The following CHCHD4 variants were observed in gnomAD, a reference collection of about 807,000 sequenced individuals.
CHCHD4 encodes the protein mitochondrial intermembrane space import and assembly protein 40.
CHCHD4 carries 7 observed loss-of-function variants against 12.4 expected under a neutral mutation model. That is an observed-to-expected ratio of 0.57 (90% CI 0.32 to 1.06). CHCHD4 has a LOEUF of 1.06. Among genes scored for constraint, CHCHD4 ranks in the 50% least tolerant of loss-of-function variants. The pLI is 0.04. For synonymous variants in CHCHD4, 56 were observed against 58.0 expected (o/e 0.97, Z 0.16); for missense variants, 143 against 175.1 (o/e 0.82, Z 1.03).
At chr3:14,122,068 G>A (rs754869035) in intron 1 of CHCHD4, 1 of 1,601,170 alleles carries the variant, frequency 6.2e-7, no homozygotes, top group Non-Finnish European at 8.5e-7. Context: ...ATTCCAGAAG[G>A]AACCATCCTG....
intron 1 of CHCHD4, among the ~76,000 whole-genome samples, chr3:14,120,227 C>A (rs1694918499): frequency 6.6e-6 from 1 of 151,996 alleles, no homozygotes; most frequent in African/African-American, 2.4e-5. Flanking sequence ...CTTCCACCCC[C>A]AGCTGTTTAG....
chr3:14,124,359 C>G (rs1694977017), intron 1 of CHCHD4, among the ~76,000 whole-genome samples: 1 of 152,226 alleles, frequency 6.6e-6, no homozygotes, highest in Admixed American at 6.5e-5. Context: ...GTGCTCGGCA[C>G]TTCCCGTGCC....
intron 2 of CHCHD4, among the ~76,000 whole-genome samples, chr3:14,115,186 C>G (rs956796693): frequency 6.6e-6 from 1 of 152,056 alleles, no homozygotes; most frequent in African/African-American, 2.4e-5. Context: ...ACAAAGTATT[C>G]ACTATAAGGG....
At chr3:14,122,569 G>A (rs1366502313) in intron 1 of CHCHD4, among the ~76,000 whole-genome samples, 1 of 152,212 alleles carries the variant, frequency 6.6e-6, no homozygotes, top group East Asian at 1.9e-4. Flanking sequence ...TGGGTAGCAG[G>A]TGGACCCCTG....
chr3:14,118,134 G>A (rs1454394391), intron 1 of CHCHD4, among the ~76,000 whole-genome samples: 1 of 152,156 alleles, frequency 6.6e-6, no homozygotes, highest in Non-Finnish European at 1.5e-5. Flanking sequence ...AAGATCTGGG[G>A]TACTGGGACC....
At chr3:14,123,526 C>T (rs763350765) in intron 1 of CHCHD4, among the ~76,000 whole-genome samples, 6 of 152,304 alleles carry the variant, frequency 3.9e-5, no homozygotes, top group Non-Finnish European at 8.8e-5. Context: ...TTAGGCTGAG[C>T]TAGTCTCCTA....
At chr3:14,121,218 G>A (rs765613998) in intron 1 of CHCHD4, among the ~76,000 whole-genome samples, 10 of 152,142 alleles carry the variant, frequency 6.6e-5, no homozygotes, top group Admixed American at 1.3e-4. Flanking sequence ...CAGCTGTCTT[G>A]TCTGTGTTTT....
chr3:14,121,439 T>C (rs1198794114), intron 1 of CHCHD4, among the ~76,000 whole-genome samples: 1 of 152,168 alleles, frequency 6.6e-6, no homozygotes, highest in Admixed American at 6.5e-5. Flanking sequence ...GGATGAGTAG[T>C]TTGATTTCCC....
At chr3:14,120,976 CTG>C (rs1326144125) in intron 1 of CHCHD4, among the ~76,000 whole-genome samples, 1 of 152,166 alleles carries the variant, frequency 6.6e-6, no homozygotes, top group Non-Finnish European at 1.5e-5. Context: ...TGGACTGCTT[CTG>C]TGTCTCTTTG....
At chr3:14,114,880 G>T in intron 2 of CHCHD4, among the ~76,000 whole-genome samples, 1 of 152,222 alleles carries the variant, frequency 6.6e-6, no homozygotes, top group African/African-American at 2.4e-5. Context: ...TCTAAGGCCT[G>T]AAGTTCCAGT....
chr3:14,115,945 C>T (rs771439864), intron 2 of CHCHD4, among the ~76,000 whole-genome samples: 1 of 152,106 alleles, frequency 6.6e-6, no homozygotes, highest in Non-Finnish European at 1.5e-5. Context: ...AAGGAGTGAG[C>T]AACAGCTCTG....
rs934037864 is a variant in CHCHD4 at position 14,117,273 on chromosome 3, G to A, written c.23-749C>T. On this transcript the variant is annotated intron_variant, in intron 1 of 2. Coordinates refer to ENST00000396914, the MANE Select transcript of CHCHD4 (RefSeq NM_001098502.2). Reference sequence around the variant, plus strand: ...GGGCCTGGCTGCCGGAAGGTCTGAGGGCTCCAGGAAAACAGACCAGTGAGA... The same window carrying A: ...GGGCCTGGCTGCCGGAAGGTCTGAGAGCTCCAGGAAAACAGACCAGTGAGA... 4.6e-5 allele frequency among the ~76,000 whole-genome samples: 7 copies of A among 152,298 alleles called. No homozygotes were observed. In the East Asian group the frequency reaches 9.6e-4, roughly 21 times the overall value.
chr3:14,118,444 G>GC (rs1177176998), intron 1 of CHCHD4, among the ~76,000 whole-genome samples: 2 of 152,268 alleles, frequency 1.3e-5, no homozygotes, highest in African/African-American at 4.8e-5. Context: ...AAGGAAGGGG[G>GC]CAGTGACAAC....
Position 14,113,186 on chromosome 3 carries a change from G to C in CHCHD4, c.130C>G (p.Leu44Val). The C allele has an allele frequency of 6.2e-7, 1 of 1,606,924 alleles. No individual in the cohort carries two copies. Among genetic ancestry groups the C allele is most frequent in the Non-Finnish European group, 8.5e-7 (1 of 1,176,140 alleles). The change falls in exon 3 of 3, where the codon CTG becomes GTG. Residue 44 changes from leucine (L) to valine (V), a missense_variant. Physicochemically the swap from Leu to Val is conservative, Grantham distance 32 (BLOSUM62 1). Coordinates refer to ENST00000396914, the MANE Select transcript of CHCHD4 (RefSeq NM_001098502.2). Reference sequence around the variant, plus strand: ...TTCCAGTTAATGTTTCCATTTGGCAGTATCAATCCTAGAACAGGAAGATAG... The same window carrying C: ...TTCCAGTTAATGTTTCCATTTGGCACTATCAATCCTAGAACAGGAAGATAG... ...NDPYEEHGLI[L>V]PNGNINWNCP... is the part of the protein sequence containing the mutation.
Position 14,116,506 on chromosome 3 carries a change from A to G in CHCHD4, c.41T>C (p.Phe14Ser). 1 of 1,612,102 alleles carries G rather than the reference A, an allele frequency of 6.2e-7. No homozygotes were observed. The highest frequency in any genetic ancestry group is 8.5e-7 in the Non-Finnish European group (1 of 1,178,098). ...CRQEGKDRII[F>S]VTKEDHETPS... The stretch of plus-strand genomic sequence containing the variant: ...AGTTTCATGATCTTCTTTGGTTACA[A>G]ATATGATTCGATCCTTCCCTAGTGT... The change falls in exon 2 of 3, where the codon TTT becomes TCT. Residue 14 changes from phenylalanine to serine, a missense_variant. By Grantham distance (155) the Phe-to-Ser change is radical. Transcript: ENST00000396914.
intron 1 of CHCHD4, 147 bp downstream of exon 1, chr3:14,124,508 C>CA: frequency 1.7e-6 from 1 of 583,206 alleles, no homozygotes; most frequent in South Asian, 2.9e-5. Flanking sequence ...AGCGACCCCC[C>CA]AGCCGGCCCG....
intron 1 of CHCHD4, among the ~76,000 whole-genome samples, chr3:14,117,059 A>G (rs958497018): frequency 2.0e-5 from 3 of 152,232 alleles, no homozygotes; most frequent in Admixed American, 6.5e-5. Flanking sequence ...AACAAGTATA[A>G]TAACTGGAGG....
At chr3:14,123,925 G>C (rs527303449) in intron 1 of CHCHD4, among the ~76,000 whole-genome samples, 8 of 152,312 alleles carry the variant, frequency 5.3e-5, no homozygotes, top group African/African-American at 1.7e-4. Context: ...GAGGTAGGCA[G>C]GGTTCTCCCT....
Position 14,124,761 on chromosome 3 carries a change from G to C in CHCHD4, c.-85C>G, listed in dbSNP as rs1694989588. 52 of 1,425,268 alleles carry C rather than the reference G, an allele frequency of 3.6e-5. No homozygotes were observed. In the South Asian group the frequency reaches 6.7e-4, roughly 18 times the overall value. 88.3% of individuals were successfully genotyped at this position (1,425,268 alleles called of 1,614,324 possible). Reference sequence around the variant, plus strand: ...GCCGTGACCTCCCTCTCCTCTGGCAGGGCGGGCTCCTCCGAAGCCCGCGCG... The same window carrying C: ...GCCGTGACCTCCCTCTCCTCTGGCACGGCGGGCTCCTCCGAAGCCCGCGCG... On this transcript the variant is annotated 5_prime_UTR_variant, in exon 1 of 3. Coordinates refer to ENST00000396914, the MANE Select transcript of CHCHD4 (RefSeq NM_001098502.2).
Sources: allele counts gnomAD v4.1 joint callset (sites outside exome capture counted in the v4.1 genomes callset), GRCh38; gene constraint gnomAD v4.1.1; transcripts MANE v1.5; gene names NCBI Gene and HGNC (gene_info 2026-07-23, HGNC 2026-07-21).